Variants in SIL1 observed in about 807,000 individuals in gnomAD.
The protein encoded by SIL1 is nucleotide exchange factor SIL1.
SIL1 carries 40 observed loss-of-function variants against 49.1 expected under a neutral mutation model. The observed-to-expected ratio is 0.81, with a 90% CI of 0.63 to 1.06. The LOEUF (loss-of-function observed/expected upper bound fraction) is 1.06, where lower values mean the gene tolerates loss of function less well. Among genes scored for constraint, SIL1 ranks in the 50% least tolerant of loss-of-function variants. SIL1 has a pLI of 0.00. For missense variants in SIL1, 500 were observed against 572.6 expected (o/e 0.87, Z 1.29); for synonymous variants, 253 against 250.8 (o/e 1.01, Z -0.08).
At chr5:139,145,608 ATGTGGG>A (rs70982750) in intron 1 of SIL1, among the ~76,000 whole-genome samples, 42,613 of 148,188 alleles carry the variant, frequency 0.29, 6,650 homozygotes, top group Middle Eastern at 0.39. Context: ...TTTTTATAAA[ATGTGGG>A]TGTGGGTGTG....
intron 1 of SIL1, among the ~76,000 whole-genome samples, chr5:139,151,835 G>T (rs1751306470): frequency 6.6e-6 from 1 of 152,212 alleles, no homozygotes; most frequent in Non-Finnish European, 1.5e-5. Context: ...AAAAGAGAAG[G>T]AAAGGAAACC....
chr5:139,061,968 G>A (rs1186029587), intron 3 of SIL1, among the ~76,000 whole-genome samples: 6 of 152,152 alleles, frequency 3.9e-5, no homozygotes, highest in Non-Finnish European at 7.3e-5. Context: ...CACTCACCTC[G>A]CTGGGGCCTC....
Position 138,948,193 on chromosome 5 carries a change from C to A in SIL1, c.1030-720G>T, listed in dbSNP as rs1766678272. ...GAGGGAAGCCCAGGAGAAGAGGAGG[C>A]CACAGTGGACCACCTGTGCTTCCTG... On this transcript the variant is annotated intron_variant, in intron 9 of 9. Transcript: ENST00000394817. This position sits in a 1 kb window ranked among gnomAD's most constrained non-coding sequence, Gnocchi z 4.8. 6.6e-6 allele frequency among the ~76,000 whole-genome samples: 1 copy of A among 152,146 alleles called. No homozygotes were observed. The highest frequency in any genetic ancestry group is 1.9e-4 in the East Asian group (1 of 5,196).
chr5:139,128,759 A>G (rs1443326820), intron 1 of SIL1, among the ~76,000 whole-genome samples: 1 of 152,210 alleles, frequency 6.6e-6, no homozygotes, highest in African/African-American at 2.4e-5. Context: ...CAACATACAG[A>G]TTCAGAGCAA....
intron 7 of SIL1, among the ~76,000 whole-genome samples, chr5:139,008,911 T>C (rs1333894878): frequency 6.6e-6 from 1 of 151,876 alleles, no homozygotes; most frequent in Non-Finnish European, 1.5e-5. Context: ...ATAGGTGTGG[T>C]GTGGTGCTGA....
rs759591537 is a variant in SIL1, at chr5:139,127,741, G to C, written c.103C>G (p.Leu35Val). ...CCATTTACAATAAAGATATTTACCAGGTTCTGATGACTGAGGCAGAAGGTG... is the reference window on the plus strand; with the variant it reads ...CCATTTACAATAAAGATATTTACCACGTTCTGATGACTGAGGCAGAAGGTG... ...CFTFCLSHQN[L>V]KEFALTNPEK... Residue 35 changes from leucine (L) to valine (V), a missense_variant and splice_region_variant, in exon 2 of 10, where the codon CTG becomes GTG. Leu to Val is a conservative substitution (Grantham distance 32). Coordinates refer to ENST00000394817, the MANE Select transcript of SIL1 (RefSeq NM_022464.5). 108 of 1,608,644 alleles carry C rather than the reference G, an allele frequency of 6.7e-5. No individual in the cohort carries two copies. Among genetic ancestry groups the C allele is most frequent in the Non-Finnish European group, 8.6e-5 (101 of 1,178,432 alleles).
chr5:139,016,800 CATT>C (rs1007265709), intron 7 of SIL1: 3 of 152,052 alleles, frequency 2.0e-5, no homozygotes, highest in Admixed American at 2.0e-4. Flanking sequence ...GTTTCAAGTA[CATT>C]AATTTAATGC....
At chr5:139,010,271 T>C (rs985687221) in intron 7 of SIL1, among the ~76,000 whole-genome samples, 10 of 150,090 alleles carry the variant, frequency 6.7e-5, no homozygotes, top group African/African-American at 2.5e-4. Context: ...CTGAGGCTTC[T>C]GCATTCTTCA....
intron 3 of SIL1, among the ~76,000 whole-genome samples, chr5:139,109,676 A>T: frequency 7.4e-6 from 1 of 135,690 alleles, no homozygotes; most frequent in Non-Finnish European, 1.6e-5. Flanking sequence ...TACACAAAGC[A>T]CCTAGCACAA....
intron 1 of SIL1, among the ~76,000 whole-genome samples, chr5:139,182,432 T>G (rs1752007451): frequency 6.6e-6 from 1 of 152,200 alleles, no homozygotes; most frequent in Non-Finnish European, 1.5e-5. Flanking sequence ...CAATGGGTAC[T>G]CAGCAAATAA....
chr5:139,137,221 CAAGCA>C, intron 1 of SIL1: 1 of 647,848 alleles, frequency 1.5e-6, no homozygotes, highest in South Asian at 1.7e-5. Flanking sequence ...TTCCATGTTG[CAAGCA>C]AAGTATTAGT....
rs186223831 is a variant in SIL1, at chr5:139,024,670, G to A, written c.645+2131C>T. Among the ~76,000 whole-genome samples the A allele has an allele frequency of 5.8e-4, 88 of 152,302 alleles. 1 individual carries two copies. Among genetic ancestry groups the A allele is most frequent in the Admixed American group, 3.4e-3 (52 of 15,300 alleles). On this transcript the variant is annotated intron_variant, in intron 6 of 9. Transcript: ENST00000394817. ...ACTGTTGCCCCTAGTCTGGATTACT[G>A]CAATAGCCTCCTATCTGGTCTCTGC...
chr5:139,097,995 A>T (rs1171601246), intron 3 of SIL1, among the ~76,000 whole-genome samples: 2 of 152,328 alleles, frequency 1.3e-5, no homozygotes, highest in South Asian at 4.1e-4. Context: ...GGAAGAATCA[A>T]TGTTGTTAAA....
At chr5:139,179,087 C>T (rs1370770087) in intron 1 of SIL1, among the ~76,000 whole-genome samples, 2 of 152,204 alleles carry the variant, frequency 1.3e-5, no homozygotes, top group African/African-American at 4.8e-5. Context: ...AGCTGGCCTA[C>T]AGCCAGAAAC....
chr5:139,056,577 C>A (rs973675056), intron 3 of SIL1, among the ~76,000 whole-genome samples: 1 of 151,006 alleles, frequency 6.6e-6, no homozygotes, highest in African/African-American at 2.4e-5. Flanking sequence ...CGGCCAGCCG[C>A]CCCGTCCGGG....
chr5:138,988,482 C>CTACTAATAA (rs1767688362), intron 7 of SIL1, among the ~76,000 whole-genome samples: 1 of 152,172 alleles, frequency 6.6e-6, no homozygotes, highest in African/African-American at 2.4e-5. Flanking sequence ...ATACCTCCTT[C>CTACTAATAA]GTTTAAACAA....
intron 3 of SIL1, among the ~76,000 whole-genome samples, chr5:139,093,510 C>G (rs918117464): frequency 6.6e-6 from 1 of 152,148 alleles, no homozygotes; most frequent in Non-Finnish European, 1.5e-5. Context: ...ATCTCCATAC[C>G]CTGGCCATTG....
intron 3 of SIL1, among the ~76,000 whole-genome samples, chr5:139,118,102 G>C (rs984106378): frequency 2.0e-5 from 3 of 152,290 alleles, no homozygotes; most frequent in Non-Finnish European, 2.9e-5. Context: ...CCGTCTTCCT[G>C]TGCCATGCCA....
chr5:138,951,674 G>A, intron 8 of SIL1, 114 bp downstream of exon 8: 1 of 1,018,046 alleles, frequency 9.8e-7, no homozygotes, highest in Non-Finnish European at 1.5e-6. Flanking sequence ...GTGCCACCCA[G>A]CAGATGATGC....
Sources: allele counts gnomAD v4.1 joint callset (sites outside exome capture counted in the v4.1 genomes callset), GRCh38; gene constraint gnomAD v4.1.1; non-coding constraint Gnocchi (gnomAD v3.1); transcripts MANE v1.5; gene names NCBI Gene and HGNC (gene_info 2026-07-23, HGNC 2026-07-21).